RIMS4: variants seen among roughly 807,000 people sequenced by gnomAD.
The protein encoded by RIMS4 is regulating synaptic membrane exocytosis 4.
A neutral mutation model predicts 29.0 loss-of-function variants in RIMS4; 9 were observed. The ratio of observed to expected loss-of-function variants is 0.31; its 90% CI spans 0.19 to 0.54. RIMS4 has a LOEUF of 0.54. Ranked by LOEUF, RIMS4 falls within the 20% of genes least tolerant of loss-of-function variation. The probability of loss-of-function intolerance (pLI) is 0.94; values close to 1 mark genes in which losing one functional copy is unlikely to be tolerated. For synonymous variants in RIMS4, 130 were observed against 152.9 expected, an observed-to-expected ratio of 0.85 and a Z score of 1.10; for missense variants, 193 against 365.7, an observed-to-expected ratio of 0.53 and a Z score of 3.85.
intron 1 of RIMS4, among the ~76,000 whole-genome samples, chr20:44,802,876 T>C (rs142785751): frequency 6.6e-6 from 1 of 152,316 alleles, no homozygotes; most frequent in Non-Finnish European, 1.5e-5. Flanking sequence ...CTGCTTTCTA[T>C]TCCCTAAAAC....
At chr20:44,773,188 G>A (rs1466938622) in intron 1 of RIMS4, among the ~76,000 whole-genome samples, 1 of 152,160 alleles carries the variant, frequency 6.6e-6, no homozygotes, top group African/African-American at 2.4e-5. Flanking sequence ...GAGGCTAAGT[G>A]GGTAGGTGTA....
At chr20:44,774,324 G>A (rs2066150299) in intron 1 of RIMS4, among the ~76,000 whole-genome samples, 1 of 152,178 alleles carries the variant, frequency 6.6e-6, no homozygotes. Context: ...ATCATTCCTG[G>A]GTGTCTCTGT....
intron 2 of RIMS4, among the ~76,000 whole-genome samples, chr20:44,763,884 T>G (rs1389391674): frequency 2.0e-5 from 3 of 152,206 alleles, no homozygotes; most frequent in Non-Finnish European, 4.4e-5. Flanking sequence ...TTATAGGTTA[T>G]GTGATTCTCA....
At chr20:44,783,793 A>T (rs1041256645) in intron 1 of RIMS4, among the ~76,000 whole-genome samples, 3 of 152,202 alleles carry the variant, frequency 2.0e-5, no homozygotes, top group Non-Finnish European at 2.9e-5. Context: ...ATAGAACTAG[A>T]AAGCAGACTA....
chr20:44,784,108 G>T (rs1293685478), intron 1 of RIMS4, among the ~76,000 whole-genome samples: 1 of 152,136 alleles, frequency 6.6e-6, no homozygotes, highest in Non-Finnish European at 1.5e-5. Context: ...CTCCCCCTAA[G>T]CCAGAAGCAG....
intron 4 of RIMS4, among the ~76,000 whole-genome samples, 173 bp from the exon 5 acceptor site, chr20:44,757,210 G>C (rs796996504): frequency 6.6e-5 from 10 of 152,130 alleles, no homozygotes; most frequent in African/African-American, 2.4e-4. Context: ...AGCAGGTACA[G>C]CTGGGCTTGG....
At position 44,756,710 on chromosome 20, in the gene RIMS4, A is replaced by T. The variant is rs1259023655; in HGVS notation, c.591+188T>A. ...ATGAAGGAACTGAGGGTCAGAAGGG[A>T]ACTTGTTCAAAGTTGTGCAGTAAGT... is the stretch of plus-strand genomic sequence containing the variant. On this transcript the variant is annotated intron_variant, in intron 5 of 5. Coordinates refer to ENST00000372851, the MANE Select transcript of RIMS4 (RefSeq NM_182970.4). The surrounding 1 kb of genome is among the most constrained non-coding windows in gnomAD (Gnocchi z 5.9). Among the ~76,000 whole-genome samples, 1 of 152,014 alleles carries T rather than the reference A, an allele frequency of 6.6e-6. No individual in the cohort carries two copies. The highest frequency in any genetic ancestry group is 1.9e-4 in the East Asian group (1 of 5,158).
chr20:44,761,280 G>C (rs1208737374), intron 2 of RIMS4, among the ~76,000 whole-genome samples: 1 of 152,152 alleles, frequency 6.6e-6, no homozygotes, highest in East Asian at 1.9e-4. Context: ...AGATGAGCCG[G>C]AGAGTTAAGA....
At chr20:44,768,639 A>G (rs911867398) in intron 2 of RIMS4, among the ~76,000 whole-genome samples, 11 of 152,300 alleles carry the variant, frequency 7.2e-5, no homozygotes, top group African/African-American at 2.6e-4. Flanking sequence ...ACCAACACTC[A>G]GCTCTTTTCA....
intron 1 of RIMS4, 34 bp downstream of exon 1, chr20:44,810,141 C>G: frequency 1.0e-5 from 14 of 1,399,154 alleles, no homozygotes; most frequent in Middle Eastern, 1.8e-4. Context: ...TCCCGGGACA[C>G]CCCGGGGGTC....
chr20:44,806,498 C>T (rs1765410816), intron 1 of RIMS4, among the ~76,000 whole-genome samples: 3 of 152,178 alleles, frequency 2.0e-5, no homozygotes, highest in Admixed American at 2.0e-4. Context: ...AAGGAGGGCC[C>T]AGCTCTACCT....
intron 1 of RIMS4, among the ~76,000 whole-genome samples, chr20:44,783,252 GC>G (rs2066192635): frequency 6.6e-6 from 1 of 152,236 alleles, no homozygotes; most frequent in Admixed American, 6.5e-5. Context: ...AGTGGACACA[GC>G]CTGAATGGCC....
intron 2 of RIMS4, among the ~76,000 whole-genome samples, chr20:44,758,573 C>T (rs1398456178): frequency 1.3e-5 from 2 of 152,310 alleles, no homozygotes; most frequent in East Asian, 3.9e-4. Context: ...ATCCACTTCC[C>T]CTTCCTCTGG....
intron 1 of RIMS4, among the ~76,000 whole-genome samples, chr20:44,800,589 G>C (rs935950786): frequency 2.6e-5 from 4 of 151,878 alleles, no homozygotes; most frequent in Admixed American, 2.6e-4. Flanking sequence ...ACTGGCAGGA[G>C]GGGGCGCTCT....
intron 1 of RIMS4, among the ~76,000 whole-genome samples, chr20:44,793,626 T>C (rs182577957): frequency 1.3e-5 from 2 of 152,114 alleles, no homozygotes; most frequent in African/African-American, 4.8e-5. Flanking sequence ...GGGCAGGGAA[T>C]TTCAGGGTCC....
chr20:44,806,141 C>G (rs956314335), intron 1 of RIMS4, among the ~76,000 whole-genome samples: 4 of 152,156 alleles, frequency 2.6e-5, no homozygotes, highest in African/African-American at 9.7e-5. Context: ...TGCGCTGGAT[C>G]GAAGCTTCCA....
At position 44,752,148 on chromosome 20, in the gene RIMS4, G is replaced by C. The variant is rs530868859; in HGVS notation, c.*3986C>G. 5 of 152,376 alleles carry C rather than the reference G, an allele frequency of 3.3e-5. No homozygotes were observed. The highest frequency in any genetic ancestry group is 3.3e-4 in the Admixed American group (5 of 15,304). The allele number at this position is 152,376 out of a possible 1,614,324, so 9.4% of individuals were successfully genotyped here. On this transcript the variant is annotated 3_prime_UTR_variant, in exon 6 of 6. Coordinates refer to ENST00000372851, the MANE Select transcript of RIMS4 (RefSeq NM_182970.4). Reference sequence around the variant, plus strand: ...CAGCCCACCTCACAGGCTCGGCGTCGGGTGAGCTCGTGGACGCTAATGCTT... The same window carrying C: ...CAGCCCACCTCACAGGCTCGGCGTCCGGTGAGCTCGTGGACGCTAATGCTT...
chr20:44,803,597 G>A (rs1280659277), intron 1 of RIMS4, among the ~76,000 whole-genome samples: 3 of 152,144 alleles, frequency 2.0e-5, no homozygotes, highest in African/African-American at 4.8e-5. Flanking sequence ...TTACAATTAC[G>A]GGGGCTAAGA....
chr20:44,801,980 C>T (rs1410190994), intron 1 of RIMS4, among the ~76,000 whole-genome samples: 2 of 152,180 alleles, frequency 1.3e-5, no homozygotes, highest in East Asian at 3.9e-4. Flanking sequence ...CCATCCGAAT[C>T]TGCATCACGT....
Sources: allele counts gnomAD v4.1 joint callset (sites outside exome capture counted in the v4.1 genomes callset), GRCh38; gene constraint gnomAD v4.1.1; non-coding constraint Gnocchi (gnomAD v3.1); transcripts MANE v1.5; gene names NCBI Gene and HGNC (gene_info 2026-07-23, HGNC 2026-07-21).